PCP4: variants seen among roughly 807,000 people sequenced by gnomAD.
PCP4 encodes the protein Purkinje cell protein 4.
PCP4 carries 8 observed loss-of-function variants against 10.0 expected under a neutral mutation model. That is an observed-to-expected ratio of 0.80 (90% CI 0.47 to 1.45). The LOEUF (loss-of-function observed/expected upper bound fraction) is 1.45, where lower values mean the gene tolerates loss of function less well. Ranked by LOEUF, PCP4 falls within the 40% of genes most tolerant of loss-of-function variation. The pLI, the probability that PCP4 is intolerant of heterozygous loss-of-function variation, is 0.00. For missense variants in PCP4, 54 were observed against 74.4 expected (o/e 0.73, Z 1.01); for synonymous variants, 21 against 23.0 (o/e 0.91, Z 0.24).
At chr21:39,910,178 G>A (rs186240042) in intron 2 of PCP4, among the ~76,000 whole-genome samples, 8 of 152,274 alleles carry the variant, frequency 5.3e-5, no homozygotes, top group Admixed American at 3.9e-4. Context: ...AAGTCTCCTC[G>A]GATGTCAGAG....
At chr21:39,907,882 G>T (rs2087520466) in intron 2 of PCP4, among the ~76,000 whole-genome samples, 1 of 152,216 alleles carries the variant, frequency 6.6e-6, no homozygotes, top group African/African-American at 2.4e-5. Flanking sequence ...TGGAGCAGGA[G>T]AAGAGAGGAG....
At chr21:39,869,731 G>T (rs1272227235) in intron 1 of PCP4, among the ~76,000 whole-genome samples, 1 of 152,234 alleles carries the variant, frequency 6.6e-6, no homozygotes, top group Non-Finnish European at 1.5e-5. Context: ...TGCAACAGAA[G>T]CTCCTTTCTG....
chr21:39,888,900 G>A (rs1398087006), intron 1 of PCP4, among the ~76,000 whole-genome samples: 1 of 152,212 alleles, frequency 6.6e-6, no homozygotes, highest in African/African-American at 2.4e-5. Context: ...ATTGGTAAAG[G>A]TACCTAATTT....
At chr21:39,900,288 G>GC (rs1568856413) in intron 2 of PCP4, among the ~76,000 whole-genome samples, 1 of 152,082 alleles carries the variant, frequency 6.6e-6, no homozygotes, top group East Asian at 1.9e-4. Flanking sequence ...ACCCGCCTCG[G>GC]CCCCCCAAAG....
Position 39,911,345 on chromosome 21 carries a change from AG to A in PCP4, c.61+12821del, listed in dbSNP as rs565049231. ...CTATCTGACAGTAAAACAGGGAAAC[AG>A]GGTTTATTTTCCTGGATCTTTCTGT... On this transcript the variant is annotated intron_variant, in intron 2 of 2. Coordinates refer to ENST00000328619, the MANE Select transcript of PCP4 (RefSeq NM_006198.3). Among the ~76,000 whole-genome samples the A allele has an allele frequency of 7.2e-5, 11 of 152,306 alleles. No homozygotes were observed. The East Asian group carries it at 2.1e-3, about 29-fold the overall frequency.
intron 1 of PCP4, among the ~76,000 whole-genome samples, chr21:39,878,363 A>G (rs1383743017): frequency 6.6e-6 from 1 of 152,242 alleles, no homozygotes; most frequent in African/African-American, 2.4e-5. Flanking sequence ...GAATCTTAAA[A>G]GTCATACAAT....
chr21:39,907,454 G>T (rs2087517667), intron 2 of PCP4, among the ~76,000 whole-genome samples: 1 of 152,296 alleles, frequency 6.6e-6, no homozygotes, highest in Non-Finnish European at 1.5e-5. Flanking sequence ...AGGGGCTTTG[G>T]CCTGTTGAAA....
At chr21:39,899,867 C>T (rs2087474599) in intron 2 of PCP4, among the ~76,000 whole-genome samples, 1 of 152,092 alleles carries the variant, frequency 6.6e-6, no homozygotes, top group Non-Finnish European at 1.5e-5. Flanking sequence ...TGAGGAAGGA[C>T]CCACTGCCTG....
intron 1 of PCP4, among the ~76,000 whole-genome samples, chr21:39,871,992 G>T (rs1050055043): frequency 6.6e-6 from 1 of 152,238 alleles, no homozygotes; most frequent in African/African-American, 2.4e-5. Flanking sequence ...CACATTCTTT[G>T]TGTTATTTAT....
chr21:39,881,915 C>A (rs2087377660), intron 1 of PCP4, among the ~76,000 whole-genome samples: 1 of 152,178 alleles, frequency 6.6e-6, no homozygotes, highest in Non-Finnish European at 1.5e-5. Context: ...CATTCCCTGA[C>A]CCCCTCACAT....
chr21:39,898,415 C>T, intron 1 of PCP4, 61 bp from the exon 2 acceptor site: 1 of 1,348,738 alleles, frequency 7.4e-7, no homozygotes, highest in South Asian at 1.2e-5. Flanking sequence ...ATAAAAGAGA[C>T]AAAAGTAATC....
At chr21:39,927,357 CTATCTATCTATCATCT>C (rs1216018182) in intron 2 of PCP4, among the ~76,000 whole-genome samples, 11 of 141,018 alleles carry the variant, frequency 7.8e-5, no homozygotes, top group South Asian at 4.9e-4. Context: ...ATCTATCTAT[CTATCTATCTATCATCT>C]ATCTATCTAT....
intron 2 of PCP4, among the ~76,000 whole-genome samples, chr21:39,907,276 T>C (rs1034433402): frequency 2.6e-5 from 4 of 152,124 alleles, no homozygotes; most frequent in African/African-American, 9.6e-5. Context: ...GTCTCCAGGA[T>C]ACCCTTAGAG....
At chr21:39,910,721 A>G (rs899916890) in intron 2 of PCP4, among the ~76,000 whole-genome samples, 1 of 152,210 alleles carries the variant, frequency 6.6e-6, no homozygotes, top group Non-Finnish European at 1.5e-5. Context: ...GGCTGCCTCC[A>G]TGCCAGCAGG....
At chr21:39,898,255 G>T in intron 1 of PCP4, 1 of 589,064 alleles carries the variant, frequency 1.7e-6, no homozygotes. Context: ...TGCATTCCTA[G>T]AGCAGTGGAT....
intron 2 of PCP4, among the ~76,000 whole-genome samples, chr21:39,920,099 GTGTT>G (rs1306825208): frequency 1.7e-3 from 255 of 146,018 alleles, no homozygotes; most frequent in African/African-American, 6.3e-3. Flanking sequence ...ATGTGTGTGT[GTGTT>G]TGGTCTGTGT....
intron 2 of PCP4, among the ~76,000 whole-genome samples, chr21:39,927,339 G>GTCTGTCTATCTATCTATCTATCTATCTA (rs2087628720): frequency 2.0e-5 from 2 of 98,870 alleles, no homozygotes; most frequent in African/African-American, 7.2e-5. Context: ...CTATCTATCT[G>GTCTGTCTATCTATCTATCTATCTATCTA]TCTATCTATC....
chr21:39,888,864 GA>G (rs1435073594), intron 1 of PCP4, among the ~76,000 whole-genome samples: 1 of 152,212 alleles, frequency 6.6e-6, no homozygotes, highest in Admixed American at 6.5e-5. Flanking sequence ...CTGTACCCGT[GA>G]CTTTTTCTCC....
intron 2 of PCP4, among the ~76,000 whole-genome samples, chr21:39,914,998 G>A (rs1198964984): frequency 1.3e-5 from 2 of 152,134 alleles, no homozygotes; most frequent in African/African-American, 4.8e-5. Flanking sequence ...GCAGAATGAA[G>A]GGAGTGGCCT....
Sources: allele counts gnomAD v4.1 joint callset (sites outside exome capture counted in the v4.1 genomes callset), GRCh38; gene constraint gnomAD v4.1.1; transcripts MANE v1.5; gene names NCBI Gene and HGNC (gene_info 2026-07-23, HGNC 2026-07-21).